SH2B1: variants seen among roughly 807,000 people sequenced by gnomAD.
The protein encoded by SH2B1 is SH2B adapter protein 1.
A neutral mutation model predicts 62.6 loss-of-function variants in SH2B1; 15 were observed. The observed-to-expected ratio is 0.24, with a 90% CI of 0.16 to 0.37. The LOEUF (loss-of-function observed/expected upper bound fraction) is 0.37. Ranked by LOEUF, SH2B1 falls within the 10% of genes least tolerant of loss-of-function variation. SH2B1 has a pLI of 1.00. For missense variants in SH2B1, 925 were observed against 1,015.6 expected (o/e 0.91, Z 1.21); for synonymous variants, 443 against 438.0 (o/e 1.01, Z -0.14).
At position 28,869,070 on chromosome 16, in the gene SH2B1, C is replaced by T. The variant is rs1483196663; in HGVS notation, c.1106C>T (p.Ser369Phe). 5.0e-6 allele frequency: 8 copies of T among 1,614,066 alleles called. No homozygotes were observed. The highest frequency in any genetic ancestry group is 6.8e-6 in the Non-Finnish European group (8 of 1,180,010). Reference protein sequence around the residue: ...VDAQHVKAWVSDIQECLSPGP... With the variant: ...VDAQHVKAWVFDIQECLSPGP... ...GCCCAGCATGTGAAGGCCTGGGTGT[C>T]TGACATCCAAGAATGCCTGAGCCCA... Residue 369 changes from serine (S) to phenylalanine (F), a missense_variant, in exon 3 of 8, where the codon TCT (serine) becomes TTT (phenylalanine). Ser to Phe is a radical substitution (Grantham distance 155). Transcript: ENST00000684370.
chr16:28,857,347 A>C (rs1596613942), intron 1 of SH2B1, among the ~76,000 whole-genome samples: 1 of 136,574 alleles, frequency 7.3e-6, no homozygotes, highest in Non-Finnish European at 1.5e-5. Flanking sequence ...TTCCCAGAGG[A>C]GGCTACACTG....
At chr16:28,847,433 T>G (rs1161253523) in intron 1 of SH2B1, among the ~76,000 whole-genome samples, 1 of 152,158 alleles carries the variant, frequency 6.6e-6, no homozygotes, top group East Asian at 1.9e-4. Context: ...TTGTTTCAAA[T>G]AGATTCCCTA....
chr16:28,852,980 T>TA lies in SH2B1; in HGVS notation c.-301+6154dup, dbSNP rs1275854202. 5.0e-4 allele frequency among the ~76,000 whole-genome samples: 33 copies of TA among 66,296 alleles called. 4 individuals carry two copies. The highest frequency in any genetic ancestry group is 4.8e-4 in the Admixed American group (2 of 4,176). The allele number at this position is 66,296 out of a possible 152,430, so 43.5% of individuals were successfully genotyped here. A position where few individuals can be genotyped will look rare whatever the true frequency, so the allele number is the denominator to read the frequency against. On this transcript the variant is annotated intron_variant, in intron 1 of 10. Coordinates refer to the SH2B1 transcript ENST00000322610. ...ATATGTACATATATATGTACATATA[T>TA]ATTTTATATGTACATATATATGTAC...
intron 1 of SH2B1, among the ~76,000 whole-genome samples, chr16:28,850,395 CAAACA>C (rs1962067529): frequency 1.3e-5 from 2 of 152,240 alleles, no homozygotes; most frequent in Admixed American, 1.3e-4. Flanking sequence ...CTTGTCTCTA[CAAACA>C]TAAAAATAAA....
intron 1 of SH2B1, among the ~76,000 whole-genome samples, chr16:28,856,087 C>T (rs1256520887): frequency 7.0e-6 from 1 of 143,716 alleles, no homozygotes; most frequent in African/African-American, 2.6e-5. Context: ...CCAGCCTGGC[C>T]AACCCCATCT....
At position 28,866,720 on chromosome 16, in the gene SH2B1, T is replaced by C; in HGVS notation, c.626T>C (p.Val209Ala). 6.3e-7 allele frequency: 1 copy of C among 1,586,130 alleles called. No individual in the cohort carries two copies. The highest frequency in any genetic ancestry group is 8.6e-7 in the Non-Finnish European group (1 of 1,165,982). Residue 209 changes from valine (V) to alanine (A), a missense_variant, in exon 1 of 8, where the codon GTT becomes GCT. Around this residue, in one of 3 missense-constraint regions of SH2B1, gnomAD observed 683 missense variants for 704.0 expected, o/e 0.97. Coordinates refer to ENST00000684370, the MANE Select transcript of SH2B1 (RefSeq NM_001387430.1). The surrounding 1 kb of genome is among the most constrained non-coding windows in gnomAD (Gnocchi z 6.3). The stretch of plus-strand genomic sequence containing the variant: ...AACTCCTCTGGCGGGGCTGGGACCG[T>C]TGGTAGGGGACTGGTCAGTGATGGA... ...NSNSSGGAGTVGRGLVSDGTS... is the reference protein window; with the variant it reads ...NSNSSGGAGTAGRGLVSDGTS...
At position 28,871,998 on chromosome 16, in the gene SH2B1, AGT is replaced by A. The variant is rs1423832092; in HGVS notation, c.1513+19_1513+20del. On this transcript the variant is annotated intron_variant, in intron 5 of 7. Transcript: ENST00000684370. ...AACAGCCACAGGTACCGGAGGTGTG[AGT>A]GTGCATGTCTCCAGGCCTGGGTGCC... The A allele has an allele frequency of 1.3e-6, 2 of 1,533,570 alleles. No homozygotes were observed. Among genetic ancestry groups the A allele is most frequent in the Admixed American group, 1.7e-5 (1 of 59,758 alleles). 95.0% of individuals were successfully genotyped at this position (1,533,570 alleles called of 1,614,324 possible).
upstream of SH2B1, among the ~76,000 whole-genome samples, chr16:28,860,249 A>ATT (rs541257161): frequency 1.7e-3 from 218 of 131,960 alleles, no homozygotes; most frequent in African/African-American, 5.4e-3. Context: ...CACTTCTTGA[A>ATT]TTTTTTTTTT....
At position 28,873,933 on chromosome 16, in the gene SH2B1, G is replaced by A. The variant is rs1963192979; in HGVS notation, c.*113G>A. On this transcript the variant is annotated 3_prime_UTR_variant, in exon 8 of 8. Transcript: ENST00000684370. This position sits in a 1 kb window ranked among gnomAD's most constrained non-coding sequence, Gnocchi z 4.2. ...TCCCCCATGCTTCCTGACCCTTGTTGGCCAAGGGCATCTTTGATGGTACAA... is the reference window on the plus strand; with the variant it reads ...TCCCCCATGCTTCCTGACCCTTGTTAGCCAAGGGCATCTTTGATGGTACAA... The A allele has an allele frequency of 9.1e-7, 1 of 1,093,846 alleles. No individual in the cohort carries two copies. Among genetic ancestry groups the A allele is most frequent in the Admixed American group, 3.9e-5 (1 of 25,872 alleles). 67.8% of individuals were successfully genotyped at this position (1,093,846 alleles called of 1,614,324 possible). A position where few individuals can be genotyped will look rare whatever the true frequency, so the allele number is the denominator to read the frequency against.
intron 4 of SH2B1, among the ~76,000 whole-genome samples, chr16:28,871,184 AT>A: frequency 6.6e-6 from 1 of 152,110 alleles, no homozygotes; most frequent in South Asian, 2.1e-4. Context: ...CGTCCAGCTA[AT>A]TTTTGTATTT....
At chr16:28,868,677 C>T (rs923610898) in intron 2 of SH2B1, among the ~76,000 whole-genome samples, 2 of 152,100 alleles carry the variant, frequency 1.3e-5, no homozygotes, top group African/African-American at 2.4e-5. Context: ...ATGTTGGTCT[C>T]GAACTCTTGA....
At chr16:28,867,198 G>A in intron 1 of SH2B1, 133 bp from the exon 2 acceptor site, 1 of 1,221,272 alleles carries the variant, frequency 8.2e-7, no homozygotes. Context: ...CTGCGGGCAG[G>A]ACTGAGAAAG....
At chr16:28,851,131 G>A (rs894099815) in intron 1 of SH2B1, among the ~76,000 whole-genome samples, 4 of 142,772 alleles carry the variant, frequency 2.8e-5, no homozygotes, top group East Asian at 2.0e-4. Flanking sequence ...CCGAGATTGC[G>A]CCACTGCACT....
rs1443776150 is a variant in SH2B1 at position 28,866,421 on chromosome 16, G to A, written c.327G>A (p.Glu109=). The A allele has an allele frequency of 6.2e-7, 1 of 1,613,944 alleles. No homozygotes were observed. Among genetic ancestry groups the A allele is most frequent in the South Asian group, 1.1e-5 (1 of 91,084 alleles). Residue 109 remains glutamate (E), a synonymous_variant, in exon 1 of 8, where the codon GAG becomes GAA. Coordinates refer to ENST00000684370, the MANE Select transcript of SH2B1 (RefSeq NM_001387430.1). The surrounding 1 kb of genome is among the most constrained non-coding windows in gnomAD (Gnocchi z 6.3). Reference sequence around the variant, plus strand: ...TTTCGCCACATGACCTGTCCCTTGAGAGCTGCAGGGTGGGTGGGCCCCTGG... The same window carrying A: ...TTTCGCCACATGACCTGTCCCTTGAAAGCTGCAGGGTGGGTGGGCCCCTGG... ...AEISPHDLSL[E]SCRVGGPLAV...
intron 1 of SH2B1, among the ~76,000 whole-genome samples, chr16:28,849,629 GATA>G (rs753655947): frequency 6.6e-6 from 1 of 152,056 alleles, no homozygotes; most frequent in African/African-American, 2.4e-5. Flanking sequence ...TTGTTTGGTA[GATA>G]ATATTATGGA....
intron 4 of SH2B1, among the ~76,000 whole-genome samples, chr16:28,870,845 C>T (rs772115290): frequency 1.8e-4 from 28 of 152,138 alleles, no homozygotes; most frequent in East Asian, 3.9e-4. Flanking sequence ...CACCACCACA[C>T]CTAGCTAATT....
chr16:28,853,052 A>ATG (rs1555510163), intron 1 of SH2B1, among the ~76,000 whole-genome samples: 2 of 108,866 alleles, frequency 1.8e-5, no homozygotes, highest in Non-Finnish European at 3.4e-5. Flanking sequence ...ATATTTATAT[A>ATG]TGTACATATA....
chr16:28,868,348 G>T (rs1962843700), intron 2 of SH2B1, among the ~76,000 whole-genome samples: 1 of 150,510 alleles, frequency 6.6e-6, no homozygotes, highest in African/African-American at 2.5e-5. Context: ...CACCAAGTTA[G>T]CTAGGATGGT....
intron 1 of SH2B1, among the ~76,000 whole-genome samples, chr16:28,849,808 A>G (rs1337955319): frequency 6.6e-6 from 1 of 152,116 alleles, no homozygotes; most frequent in African/African-American, 2.4e-5. Flanking sequence ...CTGTAGTCTC[A>G]GCTACTCAGG....
Sources: gnomAD v4.1 joint callset for allele counts (sites outside exome capture counted in the v4.1 genomes callset) on GRCh38, gnomAD v4.1.1 for gene constraint, gnomAD v4.1.1 regional missense constraint, Gnocchi (gnomAD v3.1) non-coding constraint, MANE v1.5 for transcripts, NCBI Gene and HGNC (gene_info 2026-07-23, HGNC 2026-07-21) for gene names.